Variants in GSTCD observed in about 807,000 individuals in gnomAD.
GSTCD encodes the protein glutathione S-transferase C-terminal domain-containing protein.
GSTCD carries 44 observed loss-of-function variants against 68.3 expected under a neutral mutation model. The ratio of observed to expected loss-of-function variants is 0.64; its 90% CI spans 0.51 to 0.83. The LOEUF (loss-of-function observed/expected upper bound fraction) is 0.83. Among genes scored for constraint, GSTCD ranks in the 40% least tolerant of loss-of-function variants. The pLI, the probability that GSTCD is intolerant of heterozygous loss-of-function variation, is 0.00. For synonymous variants in GSTCD, 273 were observed against 255.2 expected (o/e 1.07, Z -0.67); for missense variants, 739 against 735.9 (o/e 1.00, Z -0.05).
At chr4:105,790,315 C>A (rs1226279859) in intron 5 of GSTCD, among the ~76,000 whole-genome samples, 1 of 151,988 alleles carries the variant, frequency 6.6e-6, no homozygotes, top group Non-Finnish European at 1.5e-5. Flanking sequence ...CATTATGATT[C>A]AAATAAAATA....
At chr4:105,727,959 CAG>C (rs1733097809) in intron 4 of GSTCD, among the ~76,000 whole-genome samples, 1 of 152,158 alleles carries the variant, frequency 6.6e-6, no homozygotes, top group African/African-American at 2.4e-5. Context: ...CGGTAGCTAA[CAG>C]AGTTTACTGA....
intron 5 of GSTCD, among the ~76,000 whole-genome samples, chr4:105,735,479 A>G (rs189902848): frequency 6.6e-5 from 10 of 152,316 alleles, no homozygotes; most frequent in Admixed American, 1.3e-4. Flanking sequence ...TGAGCCAGGC[A>G]CGGGATATAA....
In GSTCD at chr4:105,845,923, A is replaced by C. The variant is rs1274281568; in HGVS notation, c.*346A>C. On this transcript the variant is annotated 3_prime_UTR_variant, in exon 12 of 12. Coordinates refer to ENST00000515279, the MANE Select transcript of GSTCD (RefSeq NM_001370181.1). ...GCCAATGTGATGTTTAATTCAAAAC[A>C]GCGCACTTACAGCCTTTATTTTATA... The C allele has an allele frequency of 4.7e-6, 1 of 210,994 alleles. No homozygotes were observed. Among genetic ancestry groups the C allele is most frequent in the Non-Finnish European group, 9.7e-6 (1 of 102,924 alleles). 13.1% of individuals were successfully genotyped at this position (210,994 alleles called of 1,614,324 possible).
intron 1 of GSTCD, among the ~76,000 whole-genome samples, chr4:105,712,353 G>A (rs1305643557): frequency 1.3e-5 from 2 of 152,188 alleles, no homozygotes; most frequent in Non-Finnish European, 2.9e-5. Flanking sequence ...CAAAGCAATA[G>A]CAAGTACAAA....
intron 5 of GSTCD, among the ~76,000 whole-genome samples, chr4:105,774,181 T>C (rs1275792440): frequency 6.6e-6 from 1 of 152,244 alleles, no homozygotes; most frequent in African/African-American, 2.4e-5. Context: ...TTGCAACCCC[T>C]GCTTTTTTGC....
At chr4:105,768,624 A>G (rs1734713173) in intron 5 of GSTCD, among the ~76,000 whole-genome samples, 1 of 152,098 alleles carries the variant, frequency 6.6e-6, no homozygotes, top group South Asian at 2.1e-4. Flanking sequence ...CCTTCCTTTG[A>G]AATCATTAGA....
rs756961867 is a variant in GSTCD, at chr4:105,834,587, C to T, written c.1657C>T (p.Pro553Ser). 1.2e-6 allele frequency: 2 copies of T among 1,613,354 alleles called. No homozygotes were observed. The highest frequency in any genetic ancestry group is 1.1e-5 in the South Asian group (1 of 90,918). The change falls in exon 9 of 12, where the codon CCA becomes TCA. Residue 553 changes from proline (P) to serine (S), a missense_variant. Coordinates refer to ENST00000515279, the MANE Select transcript of GSTCD (RefSeq NM_001370181.1). ...TCAGAACACCTCAAAGTTCAATTTT[C>T]CAAAAAGGTGAGAAATTCAGTGTTC... The part of the protein sequence containing the change: ...FIQNTSKFNF[P>S]KSEQFKKTLS...
At chr4:105,723,389 G>A (rs1732932974) in intron 3 of GSTCD, among the ~76,000 whole-genome samples, 1 of 151,238 alleles carries the variant, frequency 6.6e-6, no homozygotes, top group African/African-American at 2.4e-5. Context: ...AAAATATTTG[G>A]AAAAAAAATT....
At chr4:105,764,637 T>C (rs1310155617) in intron 5 of GSTCD, among the ~76,000 whole-genome samples, 3 of 152,158 alleles carry the variant, frequency 2.0e-5, no homozygotes, top group Non-Finnish European at 4.4e-5. Flanking sequence ...CTTTCTCTTA[T>C]AAGGACACCA....
intron 5 of GSTCD, among the ~76,000 whole-genome samples, chr4:105,766,574 C>T (rs547615899): frequency 1.3e-5 from 2 of 152,140 alleles, no homozygotes; most frequent in South Asian, 4.2e-4. Flanking sequence ...TTAATTAATT[C>T]TATTTTTGTC....
rs1171567804 is a variant in GSTCD, at chr4:105,845,751, C to T, written c.*174C>T. 3 of 620,380 alleles carry T rather than the reference C, an allele frequency of 4.8e-6. No individual in the cohort carries two copies. Among genetic ancestry groups the T allele is most frequent in the Non-Finnish European group, 8.4e-6 (3 of 357,348 alleles). The allele number at this position is 620,380 out of a possible 1,614,324, so 38.4% of individuals were successfully genotyped here. On this transcript the variant is annotated 3_prime_UTR_variant, in exon 12 of 12. Transcript: ENST00000515279. ...AGTAAAGGCTCCCTGCAAAGCATCA[C>T]AAATGCTTTACAATGTGTGATTAAA...
chr4:105,828,436 T>A (rs17036308), intron 8 of GSTCD, among the ~76,000 whole-genome samples: 8,249 of 152,246 alleles, frequency 0.054, 255 homozygotes, highest in Middle Eastern at 0.13. Flanking sequence ...GCAGGCACGC[T>A]TTTTAAAAAT....
intron 5 of GSTCD, among the ~76,000 whole-genome samples, chr4:105,739,840 G>T (rs1181207336): frequency 6.6e-6 from 1 of 152,160 alleles, no homozygotes; most frequent in Non-Finnish European, 1.5e-5. Context: ...TCCCCTAGGA[G>T]CAGGTGCAAC....
At chr4:105,795,497 G>A (rs1221299480) in intron 5 of GSTCD, among the ~76,000 whole-genome samples, 1 of 152,034 alleles carries the variant, frequency 6.6e-6, no homozygotes, top group Non-Finnish European at 1.5e-5. Flanking sequence ...TTTCATAAGT[G>A]TTCATGGGCA....
chr4:105,803,815 A>C (rs1736198046), intron 5 of GSTCD, among the ~76,000 whole-genome samples: 1 of 152,088 alleles, frequency 6.6e-6, no homozygotes, highest in Non-Finnish European at 1.5e-5. Context: ...AGGAAACTTC[A>C]AATCTGAATG....
At position 105,829,509 on chromosome 4, in the gene GSTCD, G is replaced by A. The variant is rs566856220; in HGVS notation, c.1530+3709G>A. On this transcript the variant is annotated intron_variant, in intron 8 of 11. Coordinates refer to ENST00000515279, the MANE Select transcript of GSTCD (RefSeq NM_001370181.1). The stretch of plus-strand genomic sequence containing the variant: ...AGGCCTCACAATCATGGAGGAAGGC[G>A]AATGAGGAGCAAAGTCACATCTTAC... Among the ~76,000 whole-genome samples, 17 of 152,280 alleles carry A rather than the reference G, an allele frequency of 1.1e-4. No homozygotes were observed. The South Asian group carries it at 1.7e-3, about 15-fold the overall frequency.
chr4:105,823,581 T>G (rs549259534), intron 7 of GSTCD: 1 of 195,282 alleles, frequency 5.1e-6, no homozygotes, highest in South Asian at 1.6e-4. Context: ...ATTTTCAATA[T>G]AATTTTAAAT....
At chr4:105,764,311 A>G (rs980811483) in intron 5 of GSTCD, among the ~76,000 whole-genome samples, 2 of 152,306 alleles carry the variant, frequency 1.3e-5, no homozygotes, top group East Asian at 3.9e-4. Context: ...TATAAATGCT[A>G]ATTTATACTA....
chr4:105,803,038 T>C (rs1736168293), intron 5 of GSTCD, among the ~76,000 whole-genome samples: 1 of 152,104 alleles, frequency 6.6e-6, no homozygotes, highest in African/African-American at 2.4e-5. Context: ...CTCACAATAG[T>C]CCTACAAATA....
Sources: gnomAD v4.1 joint callset for allele counts (sites outside exome capture counted in the v4.1 genomes callset) on GRCh38, gnomAD v4.1.1 for gene constraint, MANE v1.5 for transcripts, NCBI Gene and HGNC (gene_info 2026-07-23, HGNC 2026-07-21) for gene names.